ELAVL2: variants seen among roughly 807,000 people sequenced by gnomAD.
ELAVL2 encodes the protein ELAV like RNA binding protein 2, also known as ELAV-like protein 2.
Under a neutral mutation model 34.6 loss-of-function variants are expected in ELAVL2, and 4 were observed. The ratio of observed to expected loss-of-function variants is 0.12; its 90% CI spans 0.06 to 0.26. The LOEUF is 0.26. Among genes scored for constraint, ELAVL2 ranks in the 10% least tolerant of loss-of-function variants. The probability of loss-of-function intolerance (pLI) is 1.00; values close to 1 mark genes in which losing one functional copy is unlikely to be tolerated. For missense variants in ELAVL2, 432 were observed against 442.8 expected, an observed-to-expected ratio of 0.98 and a Z score of 0.22; for synonymous variants, 193 against 154.8, an observed-to-expected ratio of 1.25 and a Z score of -1.83.
At chr9:23,839,896 A>T in the ELAVL2 span, among the ~76,000 whole-genome samples, 1 of 152,190 alleles carries the variant, frequency 6.6e-6, no homozygotes, top group Non-Finnish European at 1.5e-5. Context: ...AAAATGAAAC[A>T]ATCCCTGTAT....
chr9:23,801,299 A>C (rs8181128), intron 1 of ELAVL2, among the ~76,000 whole-genome samples: 11 of 152,054 alleles, frequency 7.2e-5, no homozygotes, highest in African/African-American at 2.7e-4. Context: ...TTTTAAACTC[A>C]AAGAAATTTT....
intron 2 of ELAVL2, among the ~76,000 whole-genome samples, chr9:23,760,288 T>C (rs950494525): frequency 2.0e-5 from 3 of 152,032 alleles, no homozygotes; most frequent in Non-Finnish European, 2.9e-5. Context: ...AAATGTATCA[T>C]TTCGTAACAG....
intron 1 of ELAVL2, among the ~76,000 whole-genome samples, chr9:23,793,251 T>G (rs2060529073): frequency 6.6e-6 from 1 of 152,204 alleles, no homozygotes; most frequent in East Asian, 1.9e-4. Flanking sequence ...CATACTGATT[T>G]TATTCAAATA....
At chr9:23,779,945 CT>C (rs905672409) in intron 1 of ELAVL2, among the ~76,000 whole-genome samples, 2 of 103,228 alleles carry the variant, frequency 1.9e-5, no homozygotes, top group Non-Finnish European at 3.6e-5. Context: ...TTGGCTTTTT[CT>C]TTTTTTTCCC....
chr9:23,827,365 G>A (rs998582314), upstream of ELAVL2, among the ~76,000 whole-genome samples: 2 of 152,206 alleles, frequency 1.3e-5, no homozygotes, highest in African/African-American at 4.8e-5. Context: ...ACAGTTTTAT[G>A]CATGATAATT....
intron 1 of ELAVL2, among the ~76,000 whole-genome samples, chr9:23,803,881 C>T (rs745494443): frequency 2.0e-5 from 3 of 152,140 alleles, no homozygotes; most frequent in African/African-American, 4.8e-5. Flanking sequence ...TTTTCTTCCT[C>T]TGGACTGTCA....
intron 5 of ELAVL2, among the ~76,000 whole-genome samples, chr9:23,697,479 CTCA>C (rs1587236932): frequency 6.6e-6 from 1 of 152,134 alleles, no homozygotes; most frequent in East Asian, 1.9e-4. Context: ...TACAGATTGT[CTCA>C]TCTTTATCCT....
intron 1 of ELAVL2, among the ~76,000 whole-genome samples, chr9:23,788,369 G>C (rs1336967432): frequency 6.6e-6 from 1 of 152,062 alleles, no homozygotes; most frequent in African/African-American, 2.4e-5. Flanking sequence ...TTCAGTTATT[G>C]GAATAAATAT....
chr9:23,746,709 T>C (rs2050578116), intron 2 of ELAVL2, among the ~76,000 whole-genome samples: 1 of 150,420 alleles, frequency 6.6e-6, no homozygotes, highest in African/African-American at 2.4e-5. Flanking sequence ...AGCAATATAC[T>C]AAGAAAGAGA....
At position 23,786,802 on chromosome 9, in the gene ELAVL2, A is replaced by AAAAAAAAAAAAAAAAAAC. The variant is rs1554747169; in HGVS notation, c.-15-24554_-15-24553insGTTTTTTTTTTTTTTTTT. On this transcript the variant is annotated intron_variant, in intron 1 of 6. Transcript: ENST00000397312. ...GTGGCAAAAAAAAAAAAAAAAAAAA[A>AAAAAAAAAAAAAAAAAAC]AGAGAGAGAGAGAAAGGAAAGCCTT... Among the ~76,000 whole-genome samples, 74 of 127,310 alleles carry AAAAAAAAAAAAAAAAAAC rather than the reference A, an allele frequency of 5.8e-4. 1 individual carries two copies. The highest frequency in any genetic ancestry group is 1.7e-3 in the East Asian group (7 of 4,146). The allele number at this position is 127,310 out of a possible 152,430, so 83.5% of individuals were successfully genotyped here.
rs1414043865 is a variant in ELAVL2, at chr9:23,719,859, CTT to C, written c.333+11161_333+11162del. The stretch of plus-strand genomic sequence containing the variant: ...TTTTTTTTGAGATGGGAGTTTTGCT[CTT>C]GTTGCTCAGGTTGGAGTATAATGGT... On this transcript the variant is annotated intron_variant, in intron 3 of 6. Transcript: ENST00000397312. Among the ~76,000 whole-genome samples the C allele has an allele frequency of 3.7e-5, 5 of 134,262 alleles. No individual in the cohort carries two copies. In the Admixed American group the frequency reaches 4.1e-4, roughly 11 times the overall value. 88.1% of individuals were successfully genotyped at this position (134,262 alleles called of 152,430 possible).
chr9:23,719,885 G>A (rs2134023995), intron 3 of ELAVL2, among the ~76,000 whole-genome samples: 1 of 150,446 alleles, frequency 6.6e-6, no homozygotes, highest in Non-Finnish European at 1.5e-5. Flanking sequence ...GAGTATAATG[G>A]TGTGATCTCA....
At chr9:23,739,390 A>C (rs2048617308) in intron 2 of ELAVL2, among the ~76,000 whole-genome samples, 1 of 152,252 alleles carries the variant, frequency 6.6e-6, no homozygotes, top group African/African-American at 2.4e-5. Flanking sequence ...ACCTTCAGAT[A>C]GCCTGAAAGT....
At chr9:23,701,272 C>A in intron 5 of ELAVL2, 107 bp downstream of exon 5, 2 of 1,218,124 alleles carry the variant, frequency 1.6e-6, no homozygotes, top group Non-Finnish European at 2.3e-6. Flanking sequence ...AAACCAACAA[C>A]ACTGACAAAA....
At chr9:23,738,806 G>A (rs115802071) in intron 2 of ELAVL2, among the ~76,000 whole-genome samples, 190 of 152,176 alleles carry the variant, frequency 1.2e-3, no homozygotes, top group African/African-American at 4.4e-3. Flanking sequence ...TAGAGAGAGC[G>A]GTTAATGTCC....
At chr9:23,753,904 T>C (rs914628739) in intron 2 of ELAVL2, among the ~76,000 whole-genome samples, 2 of 152,168 alleles carry the variant, frequency 1.3e-5, no homozygotes, top group Admixed American at 1.3e-4. Context: ...GTTTACAAAG[T>C]TTGTGTTTTC....
At chr9:23,779,979 T>TAAAAAAAAAAAAA (rs61251366) in intron 1 of ELAVL2, among the ~76,000 whole-genome samples, 1 of 48,256 alleles carries the variant, frequency 2.1e-5, no homozygotes, top group Non-Finnish European at 4.0e-5. Flanking sequence ...TAGTGTTCCT[T>TAAAAAAAAAAAAA]AAAAAAAAAA....
intron 1 of ELAVL2, among the ~76,000 whole-genome samples, chr9:23,792,514 A>G (rs1400700320): frequency 1.3e-5 from 2 of 152,132 alleles, no homozygotes; most frequent in East Asian, 1.9e-4. Context: ...CACTGCTTCA[A>G]ATCTGTCTCC....
At chr9:23,792,720 T>C (rs2060466679) in intron 1 of ELAVL2, among the ~76,000 whole-genome samples, 1 of 152,210 alleles carries the variant, frequency 6.6e-6, no homozygotes, top group South Asian at 2.1e-4. Flanking sequence ...AAATGACCCA[T>C]AACCATCCTC....
Sources: gnomAD v4.1 joint callset for allele counts (sites outside exome capture counted in the v4.1 genomes callset) on GRCh38, gnomAD v4.1.1 for gene constraint, MANE v1.5 for transcripts, NCBI Gene and HGNC (gene_info 2026-07-23, HGNC 2026-07-21) for gene names.